FAM149B1: variants seen among roughly 807,000 people sequenced by gnomAD.
FAM149B1 encodes primary cilium assembly protein FAM149B1.
FAM149B1 carries 56 observed loss-of-function variants against 75.3 expected under a neutral mutation model. The observed-to-expected ratio is 0.74, with a 90% confidence interval of 0.60 to 0.93. The LOEUF is 0.93. Ranked by LOEUF, FAM149B1 falls within the 40% of genes least tolerant of loss-of-function variation. FAM149B1 has a pLI of 0.00. For missense variants in FAM149B1, 639 were observed against 708.4 expected (o/e 0.90, Z 1.11); for synonymous variants, 259 against 256.1 (o/e 1.01, Z -0.11).
intron 7 of FAM149B1, among the ~76,000 whole-genome samples, chr10:73,225,563 A>T (rs1026623622): frequency 6.6e-6 from 1 of 152,202 alleles, no homozygotes; most frequent in Non-Finnish European, 1.5e-5. Context: ...TCAAAAAGTT[A>T]AAAAAATAAA....
In FAM149B1 at chr10:73,192,673, T is replaced by C; in HGVS notation, c.400T>C (p.Trp134Arg). 2 of 1,547,818 alleles carry C rather than the reference T, an allele frequency of 1.3e-6. No individual in the cohort carries two copies. The highest frequency in any genetic ancestry group is 2.5e-5 in the East Asian group (1 of 40,684). The change falls in exon 4 of 14, where the codon TGG becomes CGG. Residue 134 changes from tryptophan (W) to arginine (R), a missense_variant. Transcript: ENST00000242505. ...TKSLQEECQQ[W>R]TASFPHLRIL... ...GAGTCTACAAGAAGAGTGCCAACAG[T>C]GGACAGCTAGCTTTCCTCACCTCAG...
At chr10:73,221,090 CAG>C (rs1245148932) in intron 7 of FAM149B1, among the ~76,000 whole-genome samples, 1 of 152,116 alleles carries the variant, frequency 6.6e-6, no homozygotes, top group Non-Finnish European at 1.5e-5. Context: ...GCCATAGAGA[CAG>C]AGTTTAGTGG....
At chr10:73,219,957 G>A (rs551237845) in intron 7 of FAM149B1, among the ~76,000 whole-genome samples, 19 of 151,256 alleles carry the variant, frequency 1.3e-4, no homozygotes, top group African/African-American at 3.9e-4. Context: ...TCAAGGAAGC[G>A]AAAGACAACC....
At chr10:73,237,068 TTCTTA>T (rs2043839176) in intron 12 of FAM149B1, among the ~76,000 whole-genome samples, 1 of 152,168 alleles carries the variant, frequency 6.6e-6, no homozygotes, top group South Asian at 2.1e-4. Flanking sequence ...GGGTTCCCTC[TTCTTA>T]TAAGATACCA....
intron 1 of FAM149B1, among the ~76,000 whole-genome samples, chr10:73,170,020 A>G (rs1843640616): frequency 7.1e-6 from 1 of 140,520 alleles, no homozygotes; most frequent in Admixed American, 6.9e-5. Flanking sequence ...TATATTAACT[A>G]TTAATATTAA....
intron 3 of FAM149B1, among the ~76,000 whole-genome samples, chr10:73,187,695 C>G (rs943876218): frequency 1.1e-4 from 17 of 151,986 alleles, no homozygotes; most frequent in African/African-American, 4.1e-4. Context: ...CACCATTGCA[C>G]TCCAGCCTGG....
chr10:73,196,268 A>G (rs1238545690), intron 5 of FAM149B1, among the ~76,000 whole-genome samples: 1 of 152,026 alleles, frequency 6.6e-6, no homozygotes, highest in Non-Finnish European at 1.5e-5. Flanking sequence ...GTATTAAAGA[A>G]CCAAGTTGGG....
chr10:73,203,041 G>A (rs1211092848), intron 5 of FAM149B1, among the ~76,000 whole-genome samples: 1 of 152,184 alleles, frequency 6.6e-6, no homozygotes, highest in Non-Finnish European at 1.5e-5. Context: ...AATGTAGAGT[G>A]GCGGCATGGT....
At chr10:73,229,190 G>A (rs2043627065) in intron 8 of FAM149B1, among the ~76,000 whole-genome samples, 1 of 152,094 alleles carries the variant, frequency 6.6e-6, no homozygotes, top group South Asian at 2.1e-4. Context: ...TTATCCCTGT[G>A]TAATGATTTA....
intron 3 of FAM149B1, among the ~76,000 whole-genome samples, chr10:73,185,880 A>G (rs2042509905): frequency 6.6e-6 from 1 of 152,200 alleles, no homozygotes. Flanking sequence ...TAAATATTTA[A>G]AGAAGAAATA....
chr10:73,200,683 CA>C, intron 5 of FAM149B1: 3 of 502,424 alleles, frequency 6.0e-6, no homozygotes, highest in Non-Finnish European at 3.8e-6. Context: ...TGGAAGTGAC[CA>C]AAAAATTCAC....
rs1324014388 is a variant in FAM149B1 at position 73,244,065 on chromosome 10, CTA to C, written c.*3048_*3049del. On this transcript the variant is annotated 3_prime_UTR_variant, in exon 14 of 14. Coordinates refer to ENST00000242505, the MANE Select transcript of FAM149B1 (RefSeq NM_173348.2). The stretch of plus-strand genomic sequence containing the variant: ...AGACAAAATGAATCGAATTACATAA[CTA>C]TGTCATTCATTAAATGGCAACAATG... 9 of 659,410 alleles carry C rather than the reference CTA, an allele frequency of 1.4e-5. No individual in the cohort carries two copies. The highest frequency in any genetic ancestry group is 6.5e-5 in the Admixed American group (2 of 30,612). The allele number at this position is 659,410 out of a possible 1,614,324, so 40.8% of individuals were successfully genotyped here.
intron 1 of FAM149B1, among the ~76,000 whole-genome samples, chr10:73,169,863 CA>C (rs1843632030): frequency 6.7e-6 from 1 of 149,256 alleles, no homozygotes; most frequent in Non-Finnish European, 1.5e-5. Flanking sequence ...ATTATATAGC[CA>C]AAAAGTCAGG....
At chr10:73,189,792 T>C (rs1389577321) in intron 3 of FAM149B1, among the ~76,000 whole-genome samples, 1 of 152,222 alleles carries the variant, frequency 6.6e-6, no homozygotes, top group Non-Finnish European at 1.5e-5. Flanking sequence ...TGTTAGTTAC[T>C]AGGGTGAATA....
chr10:73,168,481 C>T, intron 1 of FAM149B1, 95 bp downstream of exon 1: 1 of 1,418,120 alleles, frequency 7.1e-7, no homozygotes, highest in Admixed American at 2.3e-5. Context: ...TTTCCCAGGG[C>T]TGGGGAGAGA....
intron 7 of FAM149B1, among the ~76,000 whole-genome samples, chr10:73,216,060 G>A (rs1004293352): frequency 2.0e-5 from 3 of 152,132 alleles, no homozygotes; most frequent in Admixed American, 6.5e-5. Flanking sequence ...AATAATATTT[G>A]TTTTGTGAAT....
chr10:73,233,325 A>C, intron 10 of FAM149B1, 162 bp downstream of exon 10: 1 of 603,542 alleles, frequency 1.7e-6, no homozygotes, highest in East Asian at 2.8e-5. Flanking sequence ...AAAATTTTTT[A>C]ATGTGGTTAA....
In FAM149B1 at chr10:73,243,319, CT is replaced by C; in HGVS notation, c.*2304del. 1.3e-6 allele frequency: 2 copies of C among 1,532,574 alleles called. No homozygotes were observed. Among genetic ancestry groups the C allele is most frequent in the Non-Finnish European group, 8.9e-7 (1 of 1,125,138 alleles). 94.9% of individuals were successfully genotyped at this position (1,532,574 alleles called of 1,614,324 possible). ...CACCTTTTCTCAAGAGCTGAATTGA[CT>C]TTTGCCTTCAAATCCTGCCTGCACC... is the stretch of plus-strand genomic sequence containing the variant. On this transcript the variant is annotated 3_prime_UTR_variant, in exon 14 of 14. Transcript: ENST00000242505.
chr10:73,238,555 A>C (rs1251353888), intron 12 of FAM149B1, among the ~76,000 whole-genome samples: 2 of 152,246 alleles, frequency 1.3e-5, no homozygotes, highest in African/African-American at 4.8e-5. Flanking sequence ...CCTTCATACC[A>C]TAACAGCGAA....
Sources: allele counts gnomAD v4.1 joint callset (sites outside exome capture counted in the v4.1 genomes callset), GRCh38; gene constraint gnomAD v4.1.1; transcripts MANE v1.5; gene names NCBI Gene and HGNC (gene_info 2026-07-23, HGNC 2026-07-21).